Variants in NR3C2 observed in about 807,000 individuals in gnomAD.
NR3C2 encodes nuclear receptor subfamily 3 group C member 2.
In NR3C2, 15 loss-of-function variants were observed where a neutral mutation model predicts 86.4. The ratio of observed to expected loss-of-function variants is 0.17; its 90% CI spans 0.12 to 0.27. The LOEUF (loss-of-function observed/expected upper bound fraction) is 0.27, where lower values mean the gene tolerates loss of function less well. Ranked by LOEUF, NR3C2 falls within the 10% of genes least tolerant of loss-of-function variation. NR3C2 has a pLI of 1.00. For missense variants in NR3C2, 960 were observed against 1,195.6 expected (o/e 0.80, Z 2.91); for synonymous variants, 458 against 450.5 (o/e 1.02, Z -0.21).
At chr4:148,088,086 T>C (rs1446783620) in intron 8 of NR3C2, among the ~76,000 whole-genome samples, 2 of 152,222 alleles carry the variant, frequency 1.3e-5, no homozygotes, top group Admixed American at 6.5e-5. Context: ...AAGACATTTA[T>C]GCAGCCAACA....
chr4:148,318,749 T>G (rs1259745867), intron 2 of NR3C2, among the ~76,000 whole-genome samples: 1 of 152,222 alleles, frequency 6.6e-6, no homozygotes, highest in Non-Finnish European at 1.5e-5. Context: ...TAAATTTGTT[T>G]GAGTTCATTG....
At chr4:148,252,896 G>A (rs896853676) in intron 3 of NR3C2, among the ~76,000 whole-genome samples, 1 of 151,926 alleles carries the variant, frequency 6.6e-6, no homozygotes, top group African/African-American at 2.4e-5. Flanking sequence ...GAACAAGATG[G>A]GTTGTAAACA....
chr4:148,212,601 G>T (rs972647537), intron 3 of NR3C2, among the ~76,000 whole-genome samples: 1 of 152,178 alleles, frequency 6.6e-6, no homozygotes, highest in African/African-American at 2.4e-5. Context: ...ATTAGCCATT[G>T]TATCACCATA....
intron 6 of NR3C2, among the ~76,000 whole-genome samples, chr4:148,131,466 C>T (rs892927513): frequency 1.3e-5 from 2 of 152,130 alleles, no homozygotes; most frequent in African/African-American, 4.8e-5. Flanking sequence ...ATAAAAATGA[C>T]CCCAATTTGA....
chr4:148,377,269 C>T (rs1579225168), intron 2 of NR3C2, among the ~76,000 whole-genome samples: 1 of 152,244 alleles, frequency 6.6e-6, no homozygotes, highest in South Asian at 2.1e-4. Context: ...GAAAGTGTCT[C>T]AGGAGGTGAA....
chr4:148,292,600 A>C (rs369064399), intron 2 of NR3C2, among the ~76,000 whole-genome samples: 32 of 152,260 alleles, frequency 2.1e-4, no homozygotes, highest in African/African-American at 7.5e-4. Context: ...CCATCATTAC[A>C]GTACAAAACA....
intron 8 of NR3C2, among the ~76,000 whole-genome samples, chr4:148,089,402 A>G (rs1407599845): frequency 6.6e-6 from 1 of 152,204 alleles, no homozygotes; most frequent in Non-Finnish European, 1.5e-5. Context: ...TCTGAGCCTC[A>G]GAGTTGTTTC....
intron 4 of NR3C2, 100 bp downstream of exon 4, chr4:148,194,646 C>A: frequency 1.3e-6 from 1 of 771,816 alleles, no homozygotes; most frequent in East Asian, 2.5e-5. Context: ...GAAACCTTTG[C>A]TCCCTGTTGG....
At chr4:148,257,154 C>T (rs2149868229) in intron 3 of NR3C2, among the ~76,000 whole-genome samples, 1 of 152,270 alleles carries the variant, frequency 6.6e-6, no homozygotes, top group South Asian at 2.1e-4. Flanking sequence ...CCACTTTGCC[C>T]AGAATTCTCT....
intron 2 of NR3C2, among the ~76,000 whole-genome samples, chr4:148,342,822 G>C (rs189508400): frequency 1.3e-5 from 2 of 151,942 alleles, no homozygotes; most frequent in Non-Finnish European, 1.5e-5. Flanking sequence ...TACTTCAGTC[G>C]TTTTGTCTGT....
At chr4:148,361,823 A>G (rs1745851079) in intron 2 of NR3C2, among the ~76,000 whole-genome samples, 1 of 30,298 alleles carries the variant, frequency 3.3e-5, no homozygotes, top group African/African-American at 1.1e-4. Flanking sequence ...TAACTACCCT[A>G]AAGTTTTGTT....
In NR3C2 at chr4:148,156,795, C is replaced by T. The variant is rs192189831; in HGVS notation, c.2015-1894G>A. On this transcript the variant is annotated intron_variant, in intron 4 of 8. Transcript: ENST00000358102. ...GGAAATACCATTTGACCCAGCCATC[C>T]CATTACTGGGTATATATCCAAAGGA... Among the ~76,000 whole-genome samples the T allele has an allele frequency of 6.0e-3, 910 of 152,176 alleles. 15 individuals carry two copies. Among genetic ancestry groups the T allele is most frequent in the African/African-American group, 0.02 (843 of 41,516 alleles).
At chr4:148,273,750 C>T (rs1740812284) in intron 2 of NR3C2, among the ~76,000 whole-genome samples, 1 of 152,146 alleles carries the variant, frequency 6.6e-6, no homozygotes, top group African/African-American at 2.4e-5. Context: ...AGAAGGTACA[C>T]ACCAGGTCAA....
At chr4:148,238,718 T>C (rs1738867197) in intron 3 of NR3C2, among the ~76,000 whole-genome samples, 1 of 152,192 alleles carries the variant, frequency 6.6e-6, no homozygotes, top group African/African-American at 2.4e-5. Flanking sequence ...TACAGTACAC[T>C]AGGTACTATG....
chr4:148,382,094 G>A (rs1291224851), intron 2 of NR3C2, among the ~76,000 whole-genome samples: 1 of 152,118 alleles, frequency 6.6e-6, no homozygotes, highest in Non-Finnish European at 1.5e-5. Flanking sequence ...GAAGAATCAA[G>A]CCCGACCCTC....
intron 2 of NR3C2, among the ~76,000 whole-genome samples, chr4:148,393,776 G>A (rs890680051): frequency 1.3e-5 from 2 of 152,144 alleles, no homozygotes; most frequent in Non-Finnish European, 2.9e-5. Context: ...CCCTGGTCTA[G>A]AAAATCAACA....
At chr4:148,408,123 A>T (rs145996027) in intron 2 of NR3C2, among the ~76,000 whole-genome samples, 2 of 152,200 alleles carry the variant, frequency 1.3e-5, no homozygotes, top group African/African-American at 4.8e-5. Context: ...CCTTAGCTAC[A>T]AAATAAAAAG....
chr4:148,321,309 A>G (rs1369044326), intron 2 of NR3C2, among the ~76,000 whole-genome samples: 1 of 149,332 alleles, frequency 6.7e-6, no homozygotes, highest in Non-Finnish European at 1.5e-5. Flanking sequence ...TATGTGGTCA[A>G]TTTTGGAATA....
At chr4:148,154,001 TTA>T (rs1306093849) in intron 5 of NR3C2, among the ~76,000 whole-genome samples, 1 of 150,834 alleles carries the variant, frequency 6.6e-6, no homozygotes, top group African/African-American at 2.4e-5. Flanking sequence ...GTCATTTTTT[TTA>T]TTTTTAATTT....
Sources: allele counts gnomAD v4.1 joint callset (sites outside exome capture counted in the v4.1 genomes callset), GRCh38; gene constraint gnomAD v4.1.1; transcripts MANE v1.5; gene names NCBI Gene and HGNC (gene_info 2026-07-23, HGNC 2026-07-21).